The following ST8SIA1 variants were observed in gnomAD, a reference collection of about 807,000 sequenced individuals.
ST8SIA1 encodes ST8 alpha-N-acetyl-neuraminide alpha-2,8-sialyltransferase 1.
Under a neutral mutation model 35.9 loss-of-function variants are expected in ST8SIA1, and 16 were observed. The ratio of observed to expected loss-of-function variants is 0.45; its 90% CI spans 0.30 to 0.68. ST8SIA1 has a LOEUF of 0.68. Among genes scored for constraint, ST8SIA1 ranks in the 30% least tolerant of loss-of-function variants. The pLI is 0.09. For missense variants in ST8SIA1, 383 were observed against 453.6 expected (o/e 0.84, Z 1.41); for synonymous variants, 170 against 169.6 (o/e 1.00, Z -0.02).
chr12:22,269,069 C>T (rs1865881892), intron 2 of ST8SIA1, among the ~76,000 whole-genome samples: 1 of 152,114 alleles, frequency 6.6e-6, no homozygotes, highest in African/African-American at 2.4e-5. Flanking sequence ...ACTATAGACC[C>T]AGGCAGGGCC....
At chr12:22,305,359 T>A (rs990542694) in intron 1 of ST8SIA1, among the ~76,000 whole-genome samples, 7 of 151,840 alleles carry the variant, frequency 4.6e-5, no homozygotes, top group Non-Finnish European at 1.0e-4. Context: ...ATTAGAATTG[T>A]CTTAAGAATT....
intron 2 of ST8SIA1, among the ~76,000 whole-genome samples, chr12:22,266,922 C>T (rs1336929195): frequency 6.6e-6 from 1 of 151,996 alleles, no homozygotes; most frequent in Non-Finnish European, 1.5e-5. Flanking sequence ...GGCACCCTTC[C>T]CCAATTTCTT....
In ST8SIA1 at chr12:22,200,779, A is replaced by T. The variant is rs1865040535; in HGVS notation, c.*773T>A. 6.6e-6 allele frequency: 1 copy of T among 152,196 alleles called. No individual in the cohort carries two copies. Among genetic ancestry groups the T allele is most frequent in the African/African-American group, 2.4e-5 (1 of 41,460 alleles). The allele number at this position is 152,196 out of a possible 1,614,324, so 9.4% of individuals were successfully genotyped here. On this transcript the variant is annotated 3_prime_UTR_variant, in exon 5 of 5. Transcript: ENST00000396037. ...CTAAAATAAAAATGACAATGCAAACAGGCTTACATAATGCAGACCTAAAAT... is the reference window on the plus strand; with the variant it reads ...CTAAAATAAAAATGACAATGCAAACTGGCTTACATAATGCAGACCTAAAAT...
rs545045079 is a variant in ST8SIA1, at chr12:22,305,261, T to C, written c.237-17968A>G. Reference sequence around the variant, plus strand: ...TCAAACATTTTATCAGAAAAAAGGATAGACTAGTCAAATGCTTTTTCAAGT... The same window carrying C: ...TCAAACATTTTATCAGAAAAAAGGACAGACTAGTCAAATGCTTTTTCAAGT... On this transcript the variant is annotated intron_variant, in intron 1 of 4. Transcript: ENST00000396037. 1.3e-4 allele frequency among the ~76,000 whole-genome samples: 20 copies of C among 152,224 alleles called. No homozygotes were observed. The South Asian group carries it at 3.3e-3, about 25-fold the overall frequency.
intron 4 of ST8SIA1, among the ~76,000 whole-genome samples, chr12:22,203,064 C>A (rs535050199): frequency 1.1e-4 from 16 of 152,152 alleles, no homozygotes; most frequent in Non-Finnish European, 1.8e-4. Context: ...CTGCTTACAG[C>A]ACTTATGGCA....
chr12:22,282,373 A>G (rs1866047525), intron 2 of ST8SIA1, among the ~76,000 whole-genome samples: 1 of 152,214 alleles, frequency 6.6e-6, no homozygotes, highest in Non-Finnish European at 1.5e-5. Flanking sequence ...GGCAGCCCGT[A>G]TAGTTGACAA....
At position 22,194,350 on chromosome 12, in the gene ST8SIA1, A is replaced by G. The variant is rs2120578274; in HGVS notation, c.*7202T>C. On this transcript the variant is annotated 3_prime_UTR_variant, in exon 5 of 5. Transcript: ENST00000396037. ...CTAGAAGGTTCTATGACTTCAATGA[A>G]GGATATTTACATACTATTATCAGAC... The G allele has an allele frequency of 6.6e-6, 1 of 152,344 alleles. No homozygotes were observed. The highest frequency in any genetic ancestry group is 1.5e-5 in the Non-Finnish European group (1 of 68,030). 9.4% of individuals were successfully genotyped at this position (152,344 alleles called of 1,614,324 possible). A position where few individuals can be genotyped will look rare whatever the true frequency, so the allele number is the denominator to read the frequency against.
chr12:22,254,314 GCTT>G (rs1865705449), intron 3 of ST8SIA1, among the ~76,000 whole-genome samples: 1 of 151,904 alleles, frequency 6.6e-6, no homozygotes, highest in Non-Finnish European at 1.5e-5. Flanking sequence ...TTTGACTTTA[GCTT>G]CTTCTTATTC....
chr12:22,322,031 C>T (rs751251289), intron 1 of ST8SIA1, among the ~76,000 whole-genome samples: 7 of 152,214 alleles, frequency 4.6e-5, no homozygotes, highest in Non-Finnish European at 8.8e-5. Context: ...CAGCAGTTCA[C>T]ATGTTGCATA....
intron 4 of ST8SIA1, among the ~76,000 whole-genome samples, chr12:22,214,222 A>C (rs1315196712): frequency 6.6e-6 from 1 of 152,166 alleles, no homozygotes; most frequent in East Asian, 1.9e-4. Flanking sequence ...AGGAAAAAAG[A>C]GTTTCAAAAG....
At chr12:22,205,311 AAAAAG>A (rs1865094524) in intron 4 of ST8SIA1, among the ~76,000 whole-genome samples, 2 of 152,322 alleles carry the variant, frequency 1.3e-5, no homozygotes, top group African/African-American at 2.4e-5. Context: ...TTTAAAAATA[AAAAAG>A]AAATCAGACC....
intron 1 of ST8SIA1, among the ~76,000 whole-genome samples, chr12:22,322,894 A>G (rs1490828511): frequency 6.6e-6 from 1 of 152,238 alleles, no homozygotes; most frequent in African/African-American, 2.4e-5. Context: ...GTTGTGAAAC[A>G]TAGTATTTCT....
chr12:22,303,369 T>TA (rs928041113), intron 1 of ST8SIA1, among the ~76,000 whole-genome samples: 3 of 152,150 alleles, frequency 2.0e-5, no homozygotes, highest in Admixed American at 6.5e-5. Context: ...AAAGCAGGTT[T>TA]CCTGCTTCCT....
intron 1 of ST8SIA1, among the ~76,000 whole-genome samples, chr12:22,294,213 AT>A (rs1252050828): frequency 2.6e-5 from 4 of 152,056 alleles, no homozygotes; most frequent in African/African-American, 9.7e-5. Flanking sequence ...TGTTTTGAGA[AT>A]CAAGCAGCAG....
At chr12:22,295,826 AG>A (rs1416541847) in intron 1 of ST8SIA1, among the ~76,000 whole-genome samples, 5 of 152,222 alleles carry the variant, frequency 3.3e-5, no homozygotes, top group Non-Finnish European at 7.3e-5. Flanking sequence ...GCAAGGCTAA[AG>A]GAAGACGATT....
At chr12:22,253,446 T>C (rs1865695796) in intron 3 of ST8SIA1, among the ~76,000 whole-genome samples, 1 of 152,204 alleles carries the variant, frequency 6.6e-6, no homozygotes, top group Non-Finnish European at 1.5e-5. Flanking sequence ...ACTTGCTATC[T>C]TTCCCACCTT....
chr12:22,310,727 C>G (rs1591853007), intron 1 of ST8SIA1, among the ~76,000 whole-genome samples: 1 of 152,140 alleles, frequency 6.6e-6, no homozygotes, highest in Non-Finnish European at 1.5e-5. Context: ...GCTGACTTTT[C>G]TCTACACTCA....
chr12:22,320,917 GAAAGAAAGGAAGAAAGAAAGA>G (rs1453106846), intron 1 of ST8SIA1, among the ~76,000 whole-genome samples: 6 of 87,382 alleles, frequency 6.9e-5, no homozygotes, highest in Admixed American at 4.5e-4. Flanking sequence ...GAGAAGAAAG[GAAAGAAAGGAAGAAAGAAAGA>G]AAGAAAGAAA....
At chr12:22,310,182 T>C (rs1382438759) in intron 1 of ST8SIA1, among the ~76,000 whole-genome samples, 1 of 152,198 alleles carries the variant, frequency 6.6e-6, no homozygotes, top group Admixed American at 6.5e-5. Flanking sequence ...ATAAGGTGTA[T>C]AAAGTACCTA....
Sources: allele counts gnomAD v4.1 joint callset (sites outside exome capture counted in the v4.1 genomes callset), GRCh38; gene constraint gnomAD v4.1.1; transcripts MANE v1.5; gene names NCBI Gene and HGNC (gene_info 2026-07-23, HGNC 2026-07-21).